GNA12: variants seen among roughly 807,000 people sequenced by gnomAD.
The protein encoded by GNA12 is guanine nucleotide-binding protein subunit alpha-12.
In GNA12, 9 loss-of-function variants were observed where a neutral mutation model predicts 26.0. The observed-to-expected ratio is 0.35, with a 90% CI of 0.21 to 0.60. GNA12 has a LOEUF of 0.60. Among genes scored for constraint, GNA12 ranks in the 20% least tolerant of loss-of-function variants. GNA12 has a pLI of 0.78. For missense variants in GNA12, 405 were observed against 525.8 expected (o/e 0.77, Z 2.25); for synonymous variants, 264 against 219.6 (o/e 1.20, Z -1.79).
rs955612403 is a variant in GNA12 at position 2,790,741 on chromosome 7, G to T, written c.525+4187C>A. ...CCCAGCACTTTGGAAGCCCAAGGCA[G>T]GAGGATTGCTAGAGCCCAGGAGTTT... is the stretch of plus-strand genomic sequence containing the variant. On this transcript the variant is annotated intron_variant, in intron 2 of 3. Transcript: ENST00000275364. 3.3e-5 allele frequency among the ~76,000 whole-genome samples: 5 copies of T among 152,254 alleles called. No homozygotes were observed. The East Asian group carries it at 9.6e-4, about 29-fold the overall frequency.
At chr7:2,830,244 C>G (rs1185488764) in intron 1 of GNA12, among the ~76,000 whole-genome samples, 1 of 152,184 alleles carries the variant, frequency 6.6e-6, no homozygotes, top group Non-Finnish European at 1.5e-5. Flanking sequence ...ACCCTAGAAT[C>G]TTCTTTTTGC....
rs377355029 is a variant in GNA12 at position 2,731,149 on chromosome 7, C to T, written c.*32G>A. On this transcript the variant is annotated 3_prime_UTR_variant, in exon 4 of 4. Transcript: ENST00000275364. This position sits in a 1 kb window ranked among gnomAD's most constrained non-coding sequence, Gnocchi z 6.0. Reference sequence around the variant, plus strand: ...GTCTGACCGACAGCCGTGGGGGCTGCTCAACGACGACAAACCCCGGGGCTT... The same window carrying T: ...GTCTGACCGACAGCCGTGGGGGCTGTTCAACGACGACAAACCCCGGGGCTT... 4.4e-4 allele frequency: 655 copies of T among 1,495,900 alleles called. 4 individuals are homozygous for T. Among genetic ancestry groups the T allele is most frequent in the Middle Eastern group, 2.3e-3 (13 of 5,730 alleles). The allele number at this position is 1,495,900 out of a possible 1,614,324, so 92.7% of individuals were successfully genotyped here.
At chr7:2,774,233 C>T (rs1792019390) in intron 2 of GNA12, among the ~76,000 whole-genome samples, 1 of 151,980 alleles carries the variant, frequency 6.6e-6, no homozygotes, top group South Asian at 2.1e-4. Flanking sequence ...ACTTTTATTT[C>T]TATACATGTA....
At chr7:2,759,438 T>G (rs1479992869) in intron 2 of GNA12, among the ~76,000 whole-genome samples, 3 of 152,208 alleles carry the variant, frequency 2.0e-5, no homozygotes, top group African/African-American at 7.2e-5. Flanking sequence ...ATGTGACAGA[T>G]GGGAAGACTG....
In GNA12 at chr7:2,789,559, G is replaced by C. The variant is rs148589015; in HGVS notation, c.525+5369C>G. On this transcript the variant is annotated intron_variant, in intron 2 of 3. Coordinates refer to ENST00000275364, the MANE Select transcript of GNA12 (RefSeq NM_007353.3). ...CCCCATAGGTGAGTTCAAACTGCTTGGTACATGTGGCCGCAGAGAACGCTG... is the reference window on the plus strand; with the variant it reads ...CCCCATAGGTGAGTTCAAACTGCTTCGTACATGTGGCCGCAGAGAACGCTG... 5.9e-5 allele frequency among the ~76,000 whole-genome samples: 9 copies of C among 152,302 alleles called. No individual in the cohort carries two copies. In the East Asian group the frequency reaches 1.7e-3, roughly 29 times the overall value.
intron 1 of GNA12, among the ~76,000 whole-genome samples, chr7:2,812,793 A>G (rs1225843565): frequency 1.3e-5 from 2 of 152,184 alleles, no homozygotes; most frequent in African/African-American, 4.8e-5. Flanking sequence ...AAAACTCAGC[A>G]TCTGTCTAGA....
chr7:2,736,134 G>A (rs540316249), intron 2 of GNA12, among the ~76,000 whole-genome samples: 16 of 152,308 alleles, frequency 1.1e-4, no homozygotes, highest in Non-Finnish European at 1.8e-4. Context: ...AACACTAAGA[G>A]AATTCAGTCA....
At chr7:2,770,387 A>C (rs1791918123) in intron 2 of GNA12, among the ~76,000 whole-genome samples, 1 of 152,212 alleles carries the variant, frequency 6.6e-6, no homozygotes, top group South Asian at 2.1e-4. Flanking sequence ...TATCAAGCTC[A>C]AAGAGTTCAA....
chr7:2,803,820 A>G (rs1792875786), intron 1 of GNA12, among the ~76,000 whole-genome samples: 1 of 152,098 alleles, frequency 6.6e-6, no homozygotes, highest in Non-Finnish European at 1.5e-5. Flanking sequence ...AAACAAACAA[A>G]CAAAAAAACA....
chr7:2,783,649 CATTT>C (rs60404277), intron 2 of GNA12, among the ~76,000 whole-genome samples: 9,953 of 138,496 alleles, frequency 0.072, 383 homozygotes, highest in African/African-American at 0.087. Context: ...GGCTGTAACA[CATTT>C]ATTTATTTAT....
In GNA12 at chr7:2,770,999, T is replaced by G. The variant is rs566587650; in HGVS notation, c.525+23929A>C. On this transcript the variant is annotated intron_variant, in intron 2 of 3. Coordinates refer to ENST00000275364, the MANE Select transcript of GNA12 (RefSeq NM_007353.3). ...GACTTAGTAAACCAAATTATTAAAA[T>G]CAAAGAAAAGGCCAGGCGCCGTGGC... Among the ~76,000 whole-genome samples the G allele has an allele frequency of 2.4e-4, 36 of 152,150 alleles. 1 individual carries two copies. In the South Asian group the frequency reaches 7.3e-3, roughly 31 times the overall value.
chr7:2,794,787 G>A (rs972905092), intron 2 of GNA12, 141 bp downstream of exon 2: 19 of 662,426 alleles, frequency 2.9e-5, no homozygotes, highest in Non-Finnish European at 4.7e-5. Flanking sequence ...CCGTGTTTTG[G>A]TTGTTGATCA....
intron 1 of GNA12, among the ~76,000 whole-genome samples, chr7:2,823,528 G>A (rs1172780951): frequency 6.6e-6 from 1 of 152,158 alleles, no homozygotes; most frequent in Non-Finnish European, 1.5e-5. Flanking sequence ...ACCCTCTGCA[G>A]ATTTAGAAAA....
At chr7:2,838,307 G>A (rs73033403) in intron 1 of GNA12, among the ~76,000 whole-genome samples, 15,012 of 151,754 alleles carry the variant, frequency 0.099, 945 homozygotes, top group Middle Eastern at 0.19. Context: ...CAGCCAGGGA[G>A]GATCGCTCAT....
intron 1 of GNA12, among the ~76,000 whole-genome samples, chr7:2,822,789 G>A (rs539071966): frequency 2.6e-5 from 4 of 152,202 alleles, no homozygotes; most frequent in Non-Finnish European, 5.9e-5. Context: ...TCCAGCCTGG[G>A]CGACAGAGTA....
chr7:2,794,873 T>C (rs775323250), intron 2 of GNA12, 55 bp downstream of exon 2: 8 of 1,238,808 alleles, frequency 6.5e-6, no homozygotes, highest in Non-Finnish European at 9.5e-6. Context: ...CGGTCCAAAA[T>C]AGTCATGTAA....
At chr7:2,787,416 C>T (rs1017389981) in intron 2 of GNA12, among the ~76,000 whole-genome samples, 2 of 152,190 alleles carry the variant, frequency 1.3e-5, no homozygotes, top group African/African-American at 2.4e-5. Context: ...CACGAGCTGT[C>T]GCCTGTCACC....
chr7:2,814,273 G>A, intron 1 of GNA12: 1 of 990,444 alleles, frequency 1.0e-6, no homozygotes, highest in East Asian at 2.4e-5. Flanking sequence ...TGAGATCAGG[G>A]AGATCTGTGG....
chr7:2,741,760 G>A (rs1000376350), intron 2 of GNA12, among the ~76,000 whole-genome samples: 1 of 151,730 alleles, frequency 6.6e-6, no homozygotes, highest in Non-Finnish European at 1.5e-5. Context: ...ACTTCAGAGG[G>A]TATGTCCTAA....
Sources: allele counts gnomAD v4.1 joint callset (sites outside exome capture counted in the v4.1 genomes callset), GRCh38; gene constraint gnomAD v4.1.1; non-coding constraint Gnocchi (gnomAD v3.1); transcripts MANE v1.5; gene names NCBI Gene and HGNC (gene_info 2026-07-23, HGNC 2026-07-21).